Variants in POLN observed in about 807,000 individuals in gnomAD.
POLN encodes DNA polymerase N.
POLN carries 108 observed loss-of-function variants against 113.5 expected under a neutral mutation model. The ratio of observed to expected loss-of-function variants is 0.95; its 90% CI spans 0.81 to 1.12. POLN has a LOEUF of 1.12. Among genes scored for constraint, POLN ranks in the 50% most tolerant of loss-of-function variants. POLN has a pLI of 0.00. For missense variants in POLN, 1,097 were observed against 1,077.1 expected, an observed-to-expected ratio of 1.02 and a Z score of -0.26; for synonymous variants, 386 against 391.5, an observed-to-expected ratio of 0.99 and a Z score of 0.17.
chr4:2,163,940 C>T (rs1732664012), intron 13 of POLN, among the ~76,000 whole-genome samples: 1 of 152,194 alleles, frequency 6.6e-6, no homozygotes, highest in Non-Finnish European at 1.5e-5. Flanking sequence ...GAACACTGGA[C>T]CTCCCCCTCC....
chr4:2,186,645 A>T (rs1733281295), intron 7 of POLN, among the ~76,000 whole-genome samples: 1 of 152,208 alleles, frequency 6.6e-6, no homozygotes, highest in Non-Finnish European at 1.5e-5. Flanking sequence ...CTAATAAAAA[A>T]CCAAAACAAA....
rs182346819 is a variant in POLN at position 2,126,797 on chromosome 4, C to T, written c.1982+1316G>A. ...CAGGACAGGAAAGGCCAGAGTGAGG[C>T]GGGTAACTGGTGAGCTCAGGCCTAG... On this transcript the variant is annotated intron_variant, in intron 19 of 25. Coordinates refer to ENST00000511885, the MANE Select transcript of POLN (RefSeq NM_181808.4). The surrounding 1 kb of genome is among the most constrained non-coding windows in gnomAD (Gnocchi z 4.6). Among the ~76,000 whole-genome samples the T allele has an allele frequency of 1.4e-4, 21 of 152,144 alleles. No individual in the cohort carries two copies. In the East Asian group the frequency reaches 4.1e-3, roughly 29 times the overall value.
Position 2,242,055 on chromosome 4 carries a change from G to A in POLN, c.-288C>T, listed in dbSNP as rs937675357. ...ACCGAGGCCCGCGTCAGTCACCTCA[G>A]GAAGTTCCGCTTGCTTCTCGCAGGA... On this transcript the variant is annotated 5_prime_UTR_variant, in exon 1 of 26. Coordinates refer to ENST00000511885, the MANE Select transcript of POLN (RefSeq NM_181808.4). 28 of 985,648 alleles carry A rather than the reference G, an allele frequency of 2.8e-5. No homozygotes were observed. Among genetic ancestry groups the A allele is most frequent in the Middle Eastern group, 5.2e-4 (1 of 1,938 alleles). The allele number at this position is 985,648 out of a possible 1,614,324, so 61.1% of individuals were successfully genotyped here.
chr4:2,190,872 C>T (rs948232966), intron 7 of POLN, among the ~76,000 whole-genome samples: 5 of 152,160 alleles, frequency 3.3e-5, no homozygotes, highest in Non-Finnish European at 7.4e-5. Flanking sequence ...TAGGGAATAA[C>T]AGATACTGGT....
intron 5 of POLN, among the ~76,000 whole-genome samples, chr4:2,206,961 CA>C (rs1161600257): frequency 7.2e-5 from 11 of 152,228 alleles, no homozygotes; most frequent in African/African-American, 2.7e-4. Flanking sequence ...ATGGTTATAG[CA>C]GCACAATTTG....
At chr4:2,153,090 G>A (rs188322473) in intron 16 of POLN, among the ~76,000 whole-genome samples, 114 of 152,330 alleles carry the variant, frequency 7.5e-4, no homozygotes, top group African/African-American at 2.5e-3. Flanking sequence ...ACCCACATGT[G>A]GAACACAAAT....
In POLN at chr4:2,095,903, G is replaced by A. The variant is rs57332702; in HGVS notation, c.2013C>T (p.His671=). The change falls in exon 20 of 26, where the codon CAC becomes CAT. Residue 671 remains histidine (H), a synonymous_variant. Coordinates refer to ENST00000511885, the MANE Select transcript of POLN (RefSeq NM_181808.4). ...WKDVPVEQVT[H]ADREQTKKVV... is the part of the protein sequence containing the mutation. ...CCTTCTTGGTTTGCTCTCTGTCTGC[G>A]TGTGTCACCTGTTCCACGGGCACAT... 9.0e-5 allele frequency: 146 copies of A among 1,614,082 alleles called. No individual in the cohort carries two copies. The East Asian group carries it at 9.6e-4, about 11-fold the overall frequency.
Position 2,218,744 on chromosome 4 carries a change from A to G in POLN, c.134-5618T>C, listed in dbSNP as rs73796974. Among the ~76,000 whole-genome samples the G allele has an allele frequency of 5.6e-3, 860 of 152,304 alleles. 10 individuals are homozygous for G. Among genetic ancestry groups the G allele is most frequent in the African/African-American group, 0.019 (807 of 41,556 alleles). ...GGATGGAAAAGAATGTGTTCACCAA[A>G]TCAATAATTGCATTTCATATACCTG... On this transcript the variant is annotated intron_variant, in intron 3 of 25. Coordinates refer to ENST00000511885, the MANE Select transcript of POLN (RefSeq NM_181808.4).
At position 2,241,935 on chromosome 4, in the gene POLN, G is replaced by A. The variant is rs374197772; in HGVS notation, c.-284+116C>T. 6.3e-5 allele frequency: 62 copies of A among 985,576 alleles called. 1 individual carries two copies. The East Asian group carries it at 1.6e-3, about 25-fold the overall frequency. The allele number at this position is 985,576 out of a possible 1,614,324, so 61.1% of individuals were successfully genotyped here. On this transcript the variant is annotated intron_variant, in intron 1 of 25. Coordinates refer to ENST00000511885, the MANE Select transcript of POLN (RefSeq NM_181808.4). ...TCCCCGGGCAGCTGCTGGAGCACCT[G>A]GAAGGAGCCCCCAGGAGCGCAGGAA...
At position 2,156,916 on chromosome 4, in the gene POLN, C is replaced by T. The variant is rs116159531; in HGVS notation, c.1666-63G>A. The T allele has an allele frequency of 6.3e-4, 877 of 1,382,394 alleles. 6 individuals carry two copies. The African/African-American group carries it at 0.01, about 16-fold the overall frequency. The allele number at this position is 1,382,394 out of a possible 1,614,324, so 85.6% of individuals were successfully genotyped here. A position where few individuals can be genotyped will look rare whatever the true frequency, so the allele number is the denominator to read the frequency against. ...ATGCTATGTGAAGTTAAGAATGTGG[C>T]GGAGCCTCCACTCACAACATGCAAC... On this transcript the variant is annotated intron_variant, in intron 15 of 25. Coordinates refer to ENST00000511885, the MANE Select transcript of POLN (RefSeq NM_181808.4).
At chr4:2,138,112 T>C (rs558109500) in intron 16 of POLN, among the ~76,000 whole-genome samples, 6 of 152,162 alleles carry the variant, frequency 3.9e-5, no homozygotes, top group South Asian at 2.1e-4. Flanking sequence ...GCTGGGATTA[T>C]AGGCATGAGC....
intron 4 of POLN, 145 bp from the exon 5 acceptor site, chr4:2,208,632 C>T (rs1733917303): frequency 1.6e-6 from 1 of 644,634 alleles, no homozygotes; most frequent in Admixed American, 3.7e-5. Flanking sequence ...CTAAGGAAAC[C>T]CTATAGTGTC....
intron 3 of POLN, among the ~76,000 whole-genome samples, chr4:2,215,791 T>G (rs143177657): frequency 3.3e-4 from 50 of 152,256 alleles, no homozygotes; most frequent in African/African-American, 1.2e-3. Flanking sequence ...CTTGGGAAAT[T>G]TATAAAAGGA....
Position 2,171,141 on chromosome 4 carries a change from G to A in POLN, c.1415C>T (p.Ala472Val), listed in dbSNP as rs1300502309. Reference protein sequence around the residue: ...KELEQEAHFVAGERFLITSNN... With the variant: ...KELEQEAHFVVGERFLITSNN... ...GCTCGTTATAAGAAACCGTTCTCCTGCAACAAAATGAGCTTCTTGCTCCAA... is the reference window on the plus strand; with the variant it reads ...GCTCGTTATAAGAAACCGTTCTCCTACAACAAAATGAGCTTCTTGCTCCAA... Residue 472 changes from alanine (A) to valine (V), a missense_variant, in exon 12 of 26, where the codon GCA (alanine) becomes GTA (valine). Physicochemically the swap from Ala to Val is moderately conservative, Grantham distance 64. Coordinates refer to ENST00000511885, the MANE Select transcript of POLN (RefSeq NM_181808.4). The A allele has an allele frequency of 1.2e-6, 2 of 1,613,532 alleles. No homozygotes were observed. Among genetic ancestry groups the A allele is most frequent in the African/African-American group, 1.3e-5 (1 of 74,890 alleles).
At chr4:2,134,194 T>A (rs1364821912) in intron 16 of POLN, among the ~76,000 whole-genome samples, 1 of 152,360 alleles carries the variant, frequency 6.6e-6, no homozygotes, top group Non-Finnish European at 1.5e-5. Context: ...TTGTAGCTTA[T>A]TCCTTTTTAT....
At chr4:2,240,844 C>T (rs1223940969) in intron 2 of POLN, 2 of 1,613,302 alleles carry the variant, frequency 1.2e-6, no homozygotes, top group Non-Finnish European at 1.7e-6. Flanking sequence ...GATTCATCTT[C>T]AACGCCCTCA....
At chr4:2,188,933 C>T (rs1733361354) in intron 7 of POLN, among the ~76,000 whole-genome samples, 1 of 152,018 alleles carries the variant, frequency 6.6e-6, no homozygotes, top group Non-Finnish European at 1.5e-5. Flanking sequence ...TTGTTTGTTT[C>T]TATTCTTTTC....
intron 5 of POLN, among the ~76,000 whole-genome samples, chr4:2,207,106 G>T (rs1733864572): frequency 6.6e-6 from 1 of 152,218 alleles, no homozygotes. Context: ...CAGTGACCTG[G>T]ATGAGATTGG....
At chr4:2,201,912 C>A (rs990417844) in intron 5 of POLN, among the ~76,000 whole-genome samples, 2 of 152,066 alleles carry the variant, frequency 1.3e-5, no homozygotes, top group Admixed American at 6.6e-5. Flanking sequence ...ACAATTGTAT[C>A]CAACGAAACT....
Sources: allele counts gnomAD v4.1 joint callset (sites outside exome capture counted in the v4.1 genomes callset), GRCh38; gene constraint gnomAD v4.1.1; non-coding constraint Gnocchi (gnomAD v3.1); transcripts MANE v1.5; gene names NCBI Gene and HGNC (gene_info 2026-07-23, HGNC 2026-07-21).